The following IPO5 variants were observed in gnomAD, a reference collection of about 807,000 sequenced individuals.
The protein encoded by IPO5 is importin 5, also known as importin-5.
Under a neutral mutation model 143.3 loss-of-function variants are expected in IPO5, and 18 were observed. The ratio of observed to expected loss-of-function variants is 0.13; its 90% CI spans 0.09 to 0.19. The LOEUF (loss-of-function observed/expected upper bound fraction) is 0.19. Among genes scored for constraint, IPO5 ranks in the 10% least tolerant of loss-of-function variants. IPO5 has a pLI of 1.00. For synonymous variants in IPO5, 477 were observed against 465.7 expected (o/e 1.02, Z -0.31); for missense variants, 1,013 against 1,336.9 (o/e 0.76, Z 3.78).
chr13:98,008,551 T>G (rs1056827660), intron 18 of IPO5, among the ~76,000 whole-genome samples: 1 of 152,036 alleles, frequency 6.6e-6, no homozygotes. Flanking sequence ...ATGATCTCCC[T>G]CCCCTGGCAG....
At chr13:98,020,231 T>A (rs1890387458) in intron 27 of IPO5, among the ~76,000 whole-genome samples, 1 of 152,198 alleles carries the variant, frequency 6.6e-6, no homozygotes, top group South Asian at 2.1e-4. Flanking sequence ...GTTTAGTGTC[T>A]GTTTTCTAAG....
At position 97,994,880 on chromosome 13, in the gene IPO5, A is replaced by G. The variant is rs149298807; in HGVS notation, c.913+1655A>G. ...CTGGCTCAGGCCTGTAATTCCAGCA[A>G]TTTGGAAAGCCAAGGTGGGTAAATT... On this transcript the variant is annotated intron_variant, in intron 11 of 28. Transcript: ENST00000651721. Among the ~76,000 whole-genome samples, 10 of 152,220 alleles carry G rather than the reference A, an allele frequency of 6.6e-5. No homozygotes were observed. The East Asian group carries it at 1.7e-3, about 26-fold the overall frequency.
intron 13 of IPO5, among the ~76,000 whole-genome samples, chr13:98,001,137 G>A (rs548931790): frequency 5.5e-4 from 84 of 152,122 alleles, no homozygotes; most frequent in African/African-American, 2.0e-3. Flanking sequence ...GCCTCCCAGA[G>A]TGCTTAGATT....
At chr13:97,960,715 C>T (rs942495067) in intron 2 of IPO5, among the ~76,000 whole-genome samples, 4 of 151,968 alleles carry the variant, frequency 2.6e-5, no homozygotes, top group Admixed American at 6.6e-5. Flanking sequence ...CGCACCACTA[C>T]GCCCAGCTAA....
intron 2 of IPO5, among the ~76,000 whole-genome samples, chr13:97,958,716 G>A (rs1309923482): frequency 6.7e-6 from 1 of 149,666 alleles, no homozygotes; most frequent in Non-Finnish European, 1.5e-5. Context: ...ATCTAAAACC[G>A]ACCACACAAC....
intron 9 of IPO5, 112 bp from the exon 10 acceptor site, chr13:97,992,780 T>C: frequency 8.9e-7 from 1 of 1,121,004 alleles, no homozygotes; most frequent in Non-Finnish European, 1.3e-6. Context: ...AATTATTTAG[T>C]GAAAAATAGT....
Position 97,993,275 on chromosome 13 carries a change from G to T in IPO5, c.913+50G>T, listed in dbSNP as rs1364306508. 5 of 1,513,012 alleles carry T rather than the reference G, an allele frequency of 3.3e-6. No homozygotes were observed. In the Admixed American group the frequency reaches 5.3e-5, roughly 16 times the overall value. 93.7% of individuals were successfully genotyped at this position (1,513,012 alleles called of 1,614,324 possible). ...TTATGTGTATTGTGGCCAAATTTTT[G>T]GATAAATTTGCTGAGGGTTGTGTGA... is the stretch of plus-strand genomic sequence containing the variant. On this transcript the variant is annotated intron_variant, in intron 11 of 28. Transcript: ENST00000651721.
chr13:97,987,452 G>T (rs1262133662), intron 6 of IPO5, among the ~76,000 whole-genome samples: 1 of 152,118 alleles, frequency 6.6e-6, no homozygotes, highest in African/African-American at 2.4e-5. Context: ...CTAGCAGATT[G>T]TATCCTTTCT....
intron 5 of IPO5, among the ~76,000 whole-genome samples, chr13:97,985,052 G>A (rs1055391643): frequency 7.2e-5 from 11 of 152,160 alleles, no homozygotes; most frequent in African/African-American, 1.2e-4. Context: ...TGGGAAAGGC[G>A]CTTGATATTC....
chr13:97,983,106 A>G (rs1886993613), intron 5 of IPO5, among the ~76,000 whole-genome samples: 2 of 152,196 alleles, frequency 1.3e-5, no homozygotes, highest in Non-Finnish European at 2.9e-5. Flanking sequence ...CCTGACCTCA[A>G]GTGATCCACC....
chr13:97,962,311 T>C (rs1364813449), intron 2 of IPO5, among the ~76,000 whole-genome samples: 2 of 152,242 alleles, frequency 1.3e-5, no homozygotes, highest in Non-Finnish European at 2.9e-5. Context: ...CCCAAAGCGA[T>C]GAAGATTTAG....
chr13:98,019,486 C>T, intron 26 of IPO5, 95 bp from the exon 27 acceptor site: 1 of 842,842 alleles, frequency 1.2e-6, no homozygotes, highest in Non-Finnish European at 1.9e-6. Flanking sequence ...ATTTCTTTAC[C>T]ATAATCAATA....
At position 98,015,766 on chromosome 13, in the gene IPO5, G is replaced by A; in HGVS notation, c.2478G>A (p.Glu826=). Residue 826 remains glutamate, a synonymous_variant, in exon 24 of 29, where the codon GAG becomes GAA. Coordinates refer to ENST00000651721, the MANE Select transcript of IPO5 (RefSeq NM_002271.6). The stretch of plus-strand genomic sequence containing the variant: ...AAGACTATGATGAACAGGTCGAAGA[G>A]TCACTACAAGATGAGGTAAGTTATT... ...QDEDYDEQVE[E]SLQDEDDNDV... is the part of the protein sequence containing the mutation. 1 of 1,609,168 alleles carries A rather than the reference G, an allele frequency of 6.2e-7. No individual in the cohort carries two copies. The highest frequency in any genetic ancestry group is 8.5e-7 in the Non-Finnish European group (1 of 1,177,340).
rs1458630739 is a variant in IPO5, at chr13:98,022,309, G to A, written c.*487G>A. 6.6e-6 allele frequency: 1 copy of A among 152,534 alleles called. No individual in the cohort carries two copies. The highest frequency in any genetic ancestry group is 1.9e-4 in the East Asian group (1 of 5,178). 9.4% of individuals were successfully genotyped at this position (152,534 alleles called of 1,614,324 possible). On this transcript the variant is annotated 3_prime_UTR_variant, in exon 29 of 29. Coordinates refer to ENST00000651721, the MANE Select transcript of IPO5 (RefSeq NM_002271.6). Reference sequence around the variant, plus strand: ...CAAAAGTTGAAAAAAACTGATGACAGACAACAAGCATGAAGATGGCATATT... The same window carrying A: ...CAAAAGTTGAAAAAAACTGATGACAAACAACAAGCATGAAGATGGCATATT...
At chr13:97,964,419 CAG>C (rs1259909827) in intron 2 of IPO5, among the ~76,000 whole-genome samples, 1 of 149,990 alleles carries the variant, frequency 6.7e-6, no homozygotes. Flanking sequence ...TATGACTAGC[CAG>C]TTTTCCCAGC....
At chr13:97,997,999 G>A (rs1008825569) in intron 12 of IPO5, among the ~76,000 whole-genome samples, 5 of 152,142 alleles carry the variant, frequency 3.3e-5, no homozygotes, top group Non-Finnish European at 4.4e-5. Flanking sequence ...GTTTTGAGAC[G>A]GAGTCTCGCT....
At position 98,022,908 on chromosome 13, in the gene IPO5, C is replaced by T. The variant is rs575992833; in HGVS notation, c.*1086C>T. On this transcript the variant is annotated 3_prime_UTR_variant, in exon 29 of 29. Coordinates refer to ENST00000651721, the MANE Select transcript of IPO5 (RefSeq NM_002271.6). ...TGTGAATGTTTCTTTATGTATTAAC[C>T]TCATAGCAGTAAATGACTTGCTGTT... The T allele has an allele frequency of 1.3e-5, 2 of 152,630 alleles. No individual in the cohort carries two copies. The highest frequency in any genetic ancestry group is 2.4e-5 in the African/African-American group (1 of 41,528). The allele number at this position is 152,630 out of a possible 1,614,324, so 9.5% of individuals were successfully genotyped here.
At chr13:98,014,303 G>C (rs1889944141) in intron 22 of IPO5, 89 bp downstream of exon 22, 2 of 931,782 alleles carry the variant, frequency 2.1e-6, no homozygotes, top group East Asian at 2.6e-5. Flanking sequence ...TTTGAGACAG[G>C]GTATTGCTCT....
chr13:97,986,990 C>T (rs1887411691), intron 6 of IPO5: 1 of 156,426 alleles, frequency 6.4e-6, no homozygotes, highest in Admixed American at 6.4e-5. Flanking sequence ...TTGCCCAGCT[C>T]AACATAGGAG....
Sources: gnomAD v4.1 joint callset for allele counts (sites outside exome capture counted in the v4.1 genomes callset) on GRCh38, gnomAD v4.1.1 for gene constraint, MANE v1.5 for transcripts, NCBI Gene and HGNC (gene_info 2026-07-23, HGNC 2026-07-21) for gene names.